The following CLIP1 variants were observed in gnomAD, a reference collection of about 807,000 sequenced individuals.
The protein encoded by CLIP1 is CAP-Gly domain-containing linker protein 1.
In CLIP1, 66 loss-of-function variants were observed where a neutral mutation model predicts 161.6. That is an observed-to-expected ratio of 0.41 (90% CI 0.33 to 0.50). The LOEUF is 0.50. CLIP1 is among the 20% of genes least tolerant of loss of function. CLIP1 has a pLI of 0.27. For synonymous variants in CLIP1, 598 were observed against 626.2 expected (o/e 0.96, Z 0.67); for missense variants, 1,376 against 1,702.0 (o/e 0.81, Z 3.37).
In CLIP1 at chr12:122,325,054, ATT is replaced by A. The variant is rs11330696; in HGVS notation, c.3249+2891_3249+2892del. Among the ~76,000 whole-genome samples the A allele has an allele frequency of 1.6e-3, 195 of 123,600 alleles. 1 individual carries two copies. Among genetic ancestry groups the A allele is most frequent in the Middle Eastern group, 3.9e-3 (1 of 258 alleles). 81.1% of individuals were successfully genotyped at this position (123,600 alleles called of 152,430 possible). A position where few individuals can be genotyped will look rare whatever the true frequency, so the allele number is the denominator to read the frequency against. On this transcript the variant is annotated intron_variant, in intron 17 of 25. Transcript: ENST00000620786. ...ATCCAGAACTTTCTGCAATGATATA[ATT>A]TTTTTTTTTTTTTTTTGAGACTGAG...
chr12:122,349,616 G>A (rs978766395), intron 9 of CLIP1, among the ~76,000 whole-genome samples: 2 of 152,240 alleles, frequency 1.3e-5, no homozygotes, highest in African/African-American at 2.4e-5. Context: ...ATGTGACACT[G>A]AACAGGACAA....
At chr12:122,379,249 A>G (rs1486583847) in intron 2 of CLIP1, among the ~76,000 whole-genome samples, 1 of 151,556 alleles carries the variant, frequency 6.6e-6, no homozygotes, top group Non-Finnish European at 1.5e-5. Context: ...TGGAGGTTGC[A>G]GTGAGCCGAG....
At chr12:122,416,849 G>C (rs962016214) in intron 1 of CLIP1, among the ~76,000 whole-genome samples, 1 of 151,968 alleles carries the variant, frequency 6.6e-6, no homozygotes, top group Non-Finnish European at 1.5e-5. Flanking sequence ...GCAGTAAGCA[G>C]AGATCACGCC....
At chr12:122,381,222 T>C (rs1347354480) in intron 1 of CLIP1, among the ~76,000 whole-genome samples, 1 of 152,240 alleles carries the variant, frequency 6.6e-6, no homozygotes, top group Non-Finnish European at 1.5e-5. Flanking sequence ...AGTTTTTTAC[T>C]TTCATTTCTA....
chr12:122,295,885 A>AAATC (rs1950449989), intron 20 of CLIP1, among the ~76,000 whole-genome samples: 1 of 152,118 alleles, frequency 6.6e-6, no homozygotes, highest in African/African-American at 2.4e-5. Flanking sequence ...TTTTGCCTTA[A>AAATC]AATCCATTTT....
chr12:122,377,910 G>C lies in CLIP1; in HGVS notation c.136C>G (p.Pro46Ala). The C allele has an allele frequency of 6.2e-7, 1 of 1,613,824 alleles. No homozygotes were observed. Among genetic ancestry groups the C allele is most frequent in the Non-Finnish European group, 8.5e-7 (1 of 1,179,966 alleles). ...TISSEKASSTPSSETQEEFVD... is the reference protein window; with the variant it reads ...TISSEKASSTASSETQEEFVD... The stretch of plus-strand genomic sequence containing the variant: ...AATTCCTCCTGAGTCTCAGATGATG[G>C]AGTGCTTGATGCTTTTTCACTGGAT... The change falls in exon 3 of 26, where the codon CCA (proline) becomes GCA (alanine). Residue 46 changes from proline (P) to alanine (A), a missense_variant. Physicochemically the swap from Pro to Ala is conservative, Grantham distance 27. Coordinates refer to ENST00000620786, the MANE Select transcript of CLIP1 (RefSeq NM_001247997.2).
chr12:122,272,909 CA>C lies in CLIP1; in HGVS notation c.4282del (p.Trp1428GlyfsTer31). ...YCEICEMFGHWATNCNDDETF is the reference protein window; with the variant it reads ...YCEICEMFGHXATNCNDDETF ...TTCGTCGTCATTGCAGTTGGTGGCC[CA>C]GTGTCCAAACATCTCACAGATTTCA... On this transcript the variant is annotated frameshift_variant, in exon 26 of 26. Coordinates refer to ENST00000620786, the MANE Select transcript of CLIP1 (RefSeq NM_001247997.2). LOFTEE classifies it high-confidence loss of function. 6.2e-7 allele frequency: 1 copy of C among 1,614,178 alleles called. No homozygotes were observed. The highest frequency in any genetic ancestry group is 8.5e-7 in the Non-Finnish European group (1 of 1,180,042).
intron 1 of CLIP1, among the ~76,000 whole-genome samples, chr12:122,416,106 C>G (rs1956746682): frequency 6.7e-6 from 1 of 150,042 alleles, no homozygotes; most frequent in African/African-American, 2.5e-5. Context: ...GGCGTGGTGG[C>G]AGGCGCCTGT....
chr12:122,388,499 G>A (rs912331422), intron 1 of CLIP1, among the ~76,000 whole-genome samples: 10 of 151,994 alleles, frequency 6.6e-5, no homozygotes, highest in Non-Finnish European at 1.3e-4. Context: ...GATTACAGGC[G>A]TGAGCCACCA....
intron 1 of CLIP1, among the ~76,000 whole-genome samples, chr12:122,406,249 C>A (rs181903124): frequency 6.6e-5 from 10 of 152,276 alleles, no homozygotes; most frequent in East Asian, 5.8e-4. Context: ...AGTTTGAGAT[C>A]ATCCTAGGAA....
intron 5 of CLIP1, 24 bp downstream of exon 5, chr12:122,360,926 AAGTGGAGGC>A: frequency 1.9e-6 from 3 of 1,553,718 alleles, no homozygotes; most frequent in Non-Finnish European, 2.6e-6. Context: ...CCTGCCTGGG[AAGTGGAGGC>A]AGGTAGTGAG....
chr12:122,294,871 G>A (rs1209911989), intron 20 of CLIP1, among the ~76,000 whole-genome samples: 1 of 151,930 alleles, frequency 6.6e-6, no homozygotes, highest in African/African-American at 2.4e-5. Flanking sequence ...TAACTAACAT[G>A]GTGAAACTCC....
chr12:122,411,190 C>A (rs562138726), intron 1 of CLIP1, among the ~76,000 whole-genome samples: 1 of 152,062 alleles, frequency 6.6e-6, no homozygotes, highest in African/African-American at 2.4e-5. Context: ...CTGAGGTGGG[C>A]GGATCACCTG....
In CLIP1 at chr12:122,325,206, C is replaced by T. The variant is rs189132872; in HGVS notation, c.3249+2741G>A. 4.0e-3 allele frequency among the ~76,000 whole-genome samples: 603 copies of T among 151,824 alleles called. 18 individuals carry two copies. Among genetic ancestry groups the T allele is most frequent in the Non-Finnish European group, 8.4e-4 (57 of 67,914 alleles). The stretch of plus-strand genomic sequence containing the variant: ...CCAAGTAGCTGGGATTACAAGGCTC[C>T]GCCACCGTGCCCGGCTAATTTTTGT... On this transcript the variant is annotated intron_variant, in intron 17 of 25. Coordinates refer to ENST00000620786, the MANE Select transcript of CLIP1 (RefSeq NM_001247997.2).
At chr12:122,419,733 C>T (rs186441003) in intron 1 of CLIP1, among the ~76,000 whole-genome samples, 91 of 150,058 alleles carry the variant, frequency 6.1e-4, no homozygotes, top group African/African-American at 2.0e-3. Context: ...GTCAGGAGTT[C>T]GAGACCAGCC....
intron 20 of CLIP1, among the ~76,000 whole-genome samples, chr12:122,291,591 T>C (rs1260074539): frequency 6.6e-6 from 1 of 152,140 alleles, no homozygotes; most frequent in Non-Finnish European, 1.5e-5. Context: ...GATGTTTCCA[T>C]GTCATTAGAG....
chr12:122,392,820 T>G (rs1955717119), intron 1 of CLIP1, among the ~76,000 whole-genome samples: 2 of 152,094 alleles, frequency 1.3e-5, no homozygotes, highest in South Asian at 4.1e-4. Flanking sequence ...TCATTCCTGT[T>G]GCCCAGGCTG....
At chr12:122,365,889 G>C (rs1338320190) in intron 3 of CLIP1, among the ~76,000 whole-genome samples, 2 of 152,036 alleles carry the variant, frequency 1.3e-5, no homozygotes, top group African/African-American at 4.8e-5. Context: ...GTGCGCCTGT[G>C]GTCCCACTCC....
chr12:122,326,185 G>A (rs182900933), intron 17 of CLIP1, among the ~76,000 whole-genome samples: 2 of 152,350 alleles, frequency 1.3e-5, no homozygotes, highest in Non-Finnish European at 2.9e-5. Context: ...CACGTTTGGA[G>A]GGGAACAGTC....
Sources: allele counts gnomAD v4.1 joint callset (sites outside exome capture counted in the v4.1 genomes callset), GRCh38; gene constraint gnomAD v4.1.1; transcripts MANE v1.5; gene names NCBI Gene and HGNC (gene_info 2026-07-23, HGNC 2026-07-21).